MAP4K5: variants seen among roughly 807,000 people sequenced by gnomAD.
The protein encoded by MAP4K5 is mitogen-activated protein kinase kinase kinase kinase 5.
In MAP4K5, 82 loss-of-function variants were observed where a neutral mutation model predicts 135.6. That is an observed-to-expected ratio of 0.60 (90% confidence interval 0.51 to 0.73). The LOEUF is 0.73. Among genes scored for constraint, MAP4K5 ranks in the 30% least tolerant of loss-of-function variants. The probability of loss-of-function intolerance (pLI) is 0.00; values close to 1 mark genes in which losing one functional copy is unlikely to be tolerated. For missense variants in MAP4K5, 907 were observed against 1,010.9 expected (o/e 0.90, Z 1.39); for synonymous variants, 347 against 335.0 (o/e 1.04, Z -0.39).
chr14:50,480,063 AC>A (rs1268180021), intron 6 of MAP4K5, among the ~76,000 whole-genome samples: 1 of 152,034 alleles, frequency 6.6e-6, no homozygotes, highest in Non-Finnish European at 1.5e-5. Flanking sequence ...ACTTCTTGTT[AC>A]CTGATTTTGA....
At chr14:50,555,458 T>C (rs2038754600) in intron 1 of MAP4K5, among the ~76,000 whole-genome samples, 1 of 152,064 alleles carries the variant, frequency 6.6e-6, no homozygotes, top group South Asian at 2.1e-4. Context: ...ATTTTTTGTA[T>C]TTTTTAGTAG....
intron 15 of MAP4K5, among the ~76,000 whole-genome samples, chr14:50,448,279 T>C (rs1010955953): frequency 3.9e-5 from 6 of 152,210 alleles, no homozygotes; most frequent in East Asian, 1.9e-4. Context: ...CCTCCCATAG[T>C]ACTGAGATTA....
chr14:50,454,838 G>T (rs1595458704), intron 14 of MAP4K5, among the ~76,000 whole-genome samples: 1 of 151,952 alleles, frequency 6.6e-6, no homozygotes, highest in East Asian at 1.9e-4. Context: ...TTAAGTTTAT[G>T]TGGGGAAGAA....
intron 1 of MAP4K5, among the ~76,000 whole-genome samples, chr14:50,547,859 G>A (rs1194327194): frequency 6.6e-6 from 1 of 152,108 alleles, no homozygotes; most frequent in Non-Finnish European, 1.5e-5. Flanking sequence ...CACTTGGGAG[G>A]GCCAATAATG....
intron 1 of MAP4K5, among the ~76,000 whole-genome samples, chr14:50,554,673 A>T (rs1033372381): frequency 6.6e-6 from 1 of 152,236 alleles, no homozygotes; most frequent in African/African-American, 2.4e-5. Context: ...CTCATTGCTC[A>T]AACACAGTAG....
intron 6 of MAP4K5, among the ~76,000 whole-genome samples, chr14:50,481,288 A>ATC (rs767540512): frequency 4.1e-4 from 61 of 149,952 alleles, no homozygotes; most frequent in African/African-American, 1.4e-3. Context: ...TATATTACAC[A>ATC]TCTCTATATA....
At chr14:50,555,752 G>A (rs1261051300) in intron 1 of MAP4K5, among the ~76,000 whole-genome samples, 2 of 152,150 alleles carry the variant, frequency 1.3e-5, no homozygotes, top group African/African-American at 4.8e-5. Context: ...CTGATGAACT[G>A]ACCACCATAG....
rs531310297 is a variant in MAP4K5 at position 50,471,354 on chromosome 14, A to G, written c.543-2572T>C. ...TTAGTCAAGTGAAGCAGTGAGAGTA[A>G]AGAAGGAACAAAGAAATCTGTAGGG... On this transcript the variant is annotated intron_variant, in intron 9 of 32. Coordinates refer to ENST00000682126, the MANE Select transcript of MAP4K5 (RefSeq NM_006575.6). 2.3e-3 allele frequency among the ~76,000 whole-genome samples: 344 copies of G among 152,306 alleles called. 3 individuals are homozygous for G. The highest frequency in any genetic ancestry group is 7.8e-3 in the African/African-American group (325 of 41,572).
chr14:50,531,243 G>A lies in MAP4K5; in HGVS notation c.108+699C>T, dbSNP rs75264362. ...AAATTAGGTGTAACTTACTCTCATC[G>A]TTTGTCTTAAGTAATACAAAACAGC... On this transcript the variant is annotated intron_variant, in intron 2 of 32. Coordinates refer to ENST00000682126, the MANE Select transcript of MAP4K5 (RefSeq NM_006575.6). Among the ~76,000 whole-genome samples the A allele has an allele frequency of 5.3e-4, 80 of 152,242 alleles. 2 individuals carry two copies. In the East Asian group the frequency reaches 0.013, roughly 25 times the overall value.
In MAP4K5 at chr14:50,478,085, G is replaced by A. The variant is rs76623051; in HGVS notation, c.379-1779C>T. Among the ~76,000 whole-genome samples, 311 of 152,130 alleles carry A rather than the reference G, an allele frequency of 2.0e-3. 1 individual carries two copies. The highest frequency in any genetic ancestry group is 6.8e-3 in the African/African-American group (284 of 41,536). ...TTTACTGTATGGCATCATCTGGCCC[G>A]GAGTTTTCTTTGTGAGAATACATAT... On this transcript the variant is annotated intron_variant, in intron 6 of 32. Transcript: ENST00000682126.
At chr14:50,467,689 A>G (rs976133356) in intron 10 of MAP4K5, among the ~76,000 whole-genome samples, 6 of 152,108 alleles carry the variant, frequency 3.9e-5, no homozygotes, top group African/African-American at 1.2e-4. Flanking sequence ...AAACGGTGGA[A>G]GCACTGAAAC....
chr14:50,541,919 A>G lies in MAP4K5; in HGVS notation c.-94+580T>C, dbSNP rs569087660. On this transcript the variant is annotated intron_variant, in intron 2 of 8. Coordinates refer to the MAP4K5 transcript ENST00000555216. The stretch of plus-strand genomic sequence containing the variant: ...CTACTTGGGAAGCTGAGGCAGGAGA[A>G]TGGCATGAACCCAGGAGGCAGAGCT... Among the ~76,000 whole-genome samples the G allele has an allele frequency of 5.6e-5, 8 of 143,244 alleles. 1 individual carries two copies. The South Asian group carries it at 1.9e-3, about 33-fold the overall frequency. The allele number at this position is 143,244 out of a possible 152,430, so 94.0% of individuals were successfully genotyped here.
In MAP4K5 at chr14:50,419,944, T is replaced by C; in HGVS notation, c.*75A>G. The C allele has an allele frequency of 1.0e-6, 1 of 975,902 alleles. No individual in the cohort carries two copies. The highest frequency in any genetic ancestry group is 1.6e-6 in the Non-Finnish European group (1 of 621,250). The allele number at this position is 975,902 out of a possible 1,614,324, so 60.5% of individuals were successfully genotyped here. A position where few individuals can be genotyped will look rare whatever the true frequency, so the allele number is the denominator to read the frequency against. Reference sequence around the variant, plus strand: ...AGTTAAAGCAAATCATAGTGCAGTTTGTATTGAATTTCCTTATTTTTCCTT... The same window carrying C: ...AGTTAAAGCAAATCATAGTGCAGTTCGTATTGAATTTCCTTATTTTTCCTT... On this transcript the variant is annotated 3_prime_UTR_variant, in exon 33 of 33. Coordinates refer to ENST00000682126, the MANE Select transcript of MAP4K5 (RefSeq NM_006575.6).
At chr14:50,518,489 C>T (rs8010115) in intron 2 of MAP4K5, among the ~76,000 whole-genome samples, 9,462 of 152,154 alleles carry the variant, frequency 0.062, 281 homozygotes, top group Middle Eastern at 0.075. Context: ...CGAGAACATG[C>T]GGTGCAAAAC....
chr14:50,481,916 G>C (rs2139908128), intron 6 of MAP4K5, among the ~76,000 whole-genome samples: 1 of 152,280 alleles, frequency 6.6e-6, no homozygotes, highest in Non-Finnish European at 1.5e-5. Context: ...TATTTCAAGA[G>C]AAATAGTAAA....
At position 50,476,662 on chromosome 14, in the gene MAP4K5, A is replaced by G. The variant is rs543134670; in HGVS notation, c.379-356T>C. Among the ~76,000 whole-genome samples the G allele has an allele frequency of 2.0e-5, 3 of 152,242 alleles. No homozygotes were observed. In the East Asian group the frequency reaches 5.8e-4, roughly 29 times the overall value. Reference sequence around the variant, plus strand: ...TTTTTAGTAGAGACGGGGTTTCACCATGTTGGCCAGACTGGTCTTGAACTC... The same window carrying G: ...TTTTTAGTAGAGACGGGGTTTCACCGTGTTGGCCAGACTGGTCTTGAACTC... On this transcript the variant is annotated intron_variant, in intron 6 of 32. Transcript: ENST00000682126.
upstream of MAP4K5, among the ~76,000 whole-genome samples, chr14:50,535,482 T>C (rs1186182218): frequency 6.6e-6 from 1 of 152,248 alleles, no homozygotes; most frequent in Non-Finnish European, 1.5e-5. Context: ...ACTCTATGAT[T>C]CAGTTGACTG....
intron 14 of MAP4K5, chr14:50,449,085 T>C (rs755999207): frequency 1.6e-4 from 59 of 377,060 alleles, no homozygotes; most frequent in Non-Finnish European, 2.4e-4. Context: ...TCTTTTTGTA[T>C]AAAAGAGATT....
intron 3 of MAP4K5, 62 bp downstream of exon 3, chr14:50,504,738 G>A (rs78223093): frequency 4.2e-6 from 5 of 1,187,976 alleles, no homozygotes; most frequent in Non-Finnish European, 6.0e-6. Flanking sequence ...CTGGGAAGAA[G>A]GGAAACAAGG....
Sources: allele counts gnomAD v4.1 joint callset (sites outside exome capture counted in the v4.1 genomes callset), GRCh38; gene constraint gnomAD v4.1.1; transcripts MANE v1.5; gene names NCBI Gene and HGNC (gene_info 2026-07-23, HGNC 2026-07-21).